The following PLD4 variants were observed in gnomAD, a reference collection of about 807,000 sequenced individuals.
PLD4 encodes the protein phospholipase D family member 4, also known as 5'-3' exonuclease PLD4.
A neutral mutation model predicts 52.3 loss-of-function variants in PLD4; 54 were observed. The observed-to-expected ratio is 1.03, with a 90% CI of 0.83 to 1.30. The LOEUF (loss-of-function observed/expected upper bound fraction) is 1.30. PLD4 is among the 50% of genes most tolerant of loss of function. The pLI is 0.00. For synonymous variants in PLD4, 264 were observed against 286.5 expected (o/e 0.92, Z 0.79); for missense variants, 731 against 671.1 (o/e 1.09, Z -0.99).
chr14:104,930,229 T>C (rs1897599176), intron 6 of PLD4, 124 bp downstream of exon 6: 1 of 1,323,964 alleles, frequency 7.6e-7, no homozygotes, highest in Admixed American at 2.5e-5. Flanking sequence ...TACAATTCAC[T>C]ATGGTAGAAA....
Position 104,932,914 on chromosome 14 carries a change from G to C in PLD4, c.1471G>C (p.Val491Leu), listed in dbSNP as rs746189391. 1.2e-6 allele frequency: 2 copies of C among 1,601,922 alleles called. No homozygotes were observed. Among genetic ancestry groups the C allele is most frequent in the Admixed American group, 3.4e-5 (2 of 58,744 alleles). The stretch of plus-strand genomic sequence containing the variant: ...GCGGGACTGGAGTTCGCGCTACGCC[G>C]TCGGCCTGGACGGACAGGCTCCGGG... The part of the protein sequence containing the change: ...FERDWSSRYA[V>L]GLDGQAPGQD... The change falls in exon 11 of 11, where the codon GTC becomes CTC. Residue 491 changes from valine (V) to leucine (L), a missense_variant. Transcript: ENST00000392593. This position sits in a 1 kb window ranked among gnomAD's most constrained non-coding sequence, Gnocchi z 6.5.
Position 104,930,844 on chromosome 14 carries a change from C to G in PLD4, c.820C>G (p.Leu274Val). 6.2e-7 allele frequency: 1 copy of G among 1,613,598 alleles called. No individual in the cohort carries two copies. Among genetic ancestry groups the G allele is most frequent in the Non-Finnish European group, 8.5e-7 (1 of 1,180,024 alleles). ...YWVLGVPKAV[L>V]PKTWPQNFSS... ...GGTACTGGGGGTGCCCAAGGCTGTCCTCCCCAAAACCTGGCCTCAGAACTT... is the reference window on the plus strand; with the variant it reads ...GGTACTGGGGGTGCCCAAGGCTGTCGTCCCCAAAACCTGGCCTCAGAACTT... Residue 274 changes from leucine to valine, a missense_variant, in exon 7 of 11, where the codon CTC becomes GTC. Transcript: ENST00000392593.
intron 8 of PLD4, 50 bp from the exon 9 acceptor site, chr14:104,931,962 C>A (rs1369371856): frequency 2.6e-6 from 4 of 1,527,976 alleles, no homozygotes; most frequent in Non-Finnish European, 3.5e-6. Flanking sequence ...CTGCTGGGAC[C>A]CCTATCGGGC....
At chr14:104,928,215 T>A (rs1459350717) in intron 3 of PLD4, among the ~76,000 whole-genome samples, 1 of 151,978 alleles carries the variant, frequency 6.6e-6, no homozygotes, top group Non-Finnish European at 1.5e-5. Flanking sequence ...TTCCCTGCGG[T>A]TGGGGTCCTG....
chr14:104,929,681 G>A (rs1897577208), intron 5 of PLD4, among the ~76,000 whole-genome samples: 1 of 152,174 alleles, frequency 6.6e-6, no homozygotes, highest in African/African-American at 2.4e-5. Flanking sequence ...GCCCTGCTGA[G>A]CCCAGCAGCT....
In PLD4 at chr14:104,933,082, C is replaced by T; in HGVS notation, c.*118C>T. On this transcript the variant is annotated 3_prime_UTR_variant, in exon 11 of 11. Coordinates refer to ENST00000392593, the MANE Select transcript of PLD4 (RefSeq NM_138790.5). ...CCCGGGTCCGCACTGCGCCAGGAGC[C>T]GCCTGCGACCGCCCGGGCGTCGCAA... The T allele has an allele frequency of 8.3e-7, 1 of 1,197,840 alleles. No individual in the cohort carries two copies. The highest frequency in any genetic ancestry group is 3.0e-5 in the East Asian group (1 of 33,822). The allele number at this position is 1,197,840 out of a possible 1,614,324, so 74.2% of individuals were successfully genotyped here. A position where few individuals can be genotyped will look rare whatever the true frequency, so the allele number is the denominator to read the frequency against.
chr14:104,933,019 C>A lies in PLD4; in HGVS notation c.*55C>A, dbSNP rs979006071. On this transcript the variant is annotated 3_prime_UTR_variant, in exon 11 of 11. Transcript: ENST00000392593. Reference sequence around the variant, plus strand: ...GCCCCGCACGCGCCCTCCCCTCTGACCCCGGCCTGGGCTTCAGCCGCTTCC... The same window carrying A: ...GCCCCGCACGCGCCCTCCCCTCTGAACCCGGCCTGGGCTTCAGCCGCTTCC... 3.4e-6 allele frequency: 5 copies of A among 1,485,514 alleles called. No individual in the cohort carries two copies. The highest frequency in any genetic ancestry group is 3.6e-6 in the Non-Finnish European group (4 of 1,117,166). 92.0% of individuals were successfully genotyped at this position (1,485,514 alleles called of 1,614,324 possible).
intron 1 of PLD4, among the ~76,000 whole-genome samples, chr14:104,926,357 C>A (rs1897456109): frequency 6.6e-6 from 1 of 152,206 alleles, no homozygotes; most frequent in Non-Finnish European, 1.5e-5. Context: ...GCACCTGGGG[C>A]AGCCTGACTG....
rs764625017 is a variant in PLD4 at position 104,932,741 on chromosome 14, G to A, written c.1322-24G>A. 1 of 1,508,946 alleles carries A rather than the reference G, an allele frequency of 6.6e-7. No homozygotes were observed. Among genetic ancestry groups the A allele is most frequent in the Non-Finnish European group, 8.9e-7 (1 of 1,123,886 alleles). 93.5% of individuals were successfully genotyped at this position (1,508,946 alleles called of 1,614,324 possible). On this transcript the variant is annotated intron_variant, in intron 10 of 10. Transcript: ENST00000392593. The surrounding 1 kb of genome is among the most constrained non-coding windows in gnomAD (Gnocchi z 6.5). ...GGGGCCTGTGGGAGCCGGCGCCCCA[G>A]TGTCTCCTCCATCCTCCCCGCAGGC...
rs1566888827 is a variant in PLD4, at chr14:104,929,337, C to CTGCT, written c.500_503dup (p.Gly169AlafsTer82). ...GGCTCTTCTGCAGAAGCTGCAGCAG[C>CTGCT]TGCTGGGCAGGAACATTTCCCTGGC... On this transcript the variant is annotated frameshift_variant, in exon 5 of 11. Transcript: ENST00000392593. LOFTEE classifies it high-confidence loss of function. The CTGCT allele has an allele frequency of 6.3e-6, 10 of 1,576,786 alleles. No homozygotes were observed. The highest frequency in any genetic ancestry group is 8.6e-6 in the Non-Finnish European group (10 of 1,161,740).
rs372711727 is a variant in PLD4 at position 104,928,446 on chromosome 14, G to A, written c.285-303G>A. ...GCTGCTCCCTGTGGGCAGTGCCTCA[G>A]GGCTGAGTGGGGCCAGGACCCCCCA... On this transcript the variant is annotated intron_variant, in intron 3 of 10. Transcript: ENST00000392593. 1.2e-3 allele frequency among the ~76,000 whole-genome samples: 190 copies of A among 152,286 alleles called. 1 individual carries two copies. Among genetic ancestry groups the A allele is most frequent in the African/African-American group, 4.4e-3 (184 of 41,560 alleles).
chr14:104,930,930 T>C lies in PLD4; in HGVS notation c.906T>C (p.Thr302=), dbSNP rs759840150. 2 of 1,613,166 alleles carry C rather than the reference T, an allele frequency of 1.2e-6. No homozygotes were observed. The highest frequency in any genetic ancestry group is 2.2e-5 in the East Asian group (1 of 44,890). ...FHGLFDGVPT[T]AYFSASPPAL... ...GCCTCTTTGATGGGGTGCCCACCACTGCCTACTTCTCAGTAAGACGGGTTG... is the reference window on the plus strand; with the variant it reads ...GCCTCTTTGATGGGGTGCCCACCACCGCCTACTTCTCAGTAAGACGGGTTG... The change falls in exon 7 of 11, where the codon ACT becomes ACC. Residue 302 remains threonine, a synonymous_variant. Coordinates refer to ENST00000392593, the MANE Select transcript of PLD4 (RefSeq NM_138790.5).
intron 2 of PLD4, 114 bp downstream of exon 2, chr14:104,927,344 C>T (rs1897491006): frequency 3.1e-6 from 3 of 966,830 alleles, no homozygotes; most frequent in South Asian, 1.8e-5. Flanking sequence ...AGCAGAGGTG[C>T]CCTGACTGGT....
At chr14:104,928,462 G>C (rs991175994) in intron 3 of PLD4, among the ~76,000 whole-genome samples, 2 of 152,218 alleles carry the variant, frequency 1.3e-5, no homozygotes, top group African/African-American at 4.8e-5. Context: ...AGTGGGGCCA[G>C]GACCCCCCAG....
intron 3 of PLD4, 79 bp downstream of exon 3, chr14:104,927,945 C>G (rs1290748709): frequency 7.1e-7 from 1 of 1,404,682 alleles, no homozygotes; most frequent in Admixed American, 2.5e-5. Context: ...TGGATCTGCC[C>G]GTGAGATAAG....
Position 104,931,845 on chromosome 14 carries a change from T to C in PLD4, c.1016T>C (p.Val339Ala). Residue 339 changes from valine to alanine, a missense_variant, in exon 8 of 11, where the codon GTG (valine) becomes GCG (alanine). Transcript: ENST00000392593. ...GSAQEFIYAS[V>A]MEYFPTTRFS... ...GCCCAGGAGTTCATCTATGCCTCCG[T>C]GATGGAGTATTTCCCCACCACGCGC... 3 of 1,560,390 alleles carry C rather than the reference T, an allele frequency of 1.9e-6. No homozygotes were observed. Among genetic ancestry groups the C allele is most frequent in the Non-Finnish European group, 2.6e-6 (3 of 1,151,164 alleles).
Position 104,927,188 on chromosome 14 carries a change from C to T in PLD4, c.48C>T (p.Cys16=). Residue 16 remains cysteine, a synonymous_variant, in exon 2 of 11, where the codon TGC becomes TGT. Transcript: ENST00000392593. ...WKAAVAPTWP[C]SMPPRRPWDR... ...CAGCAGTGGCCCCCACATGGCCATGCTCCATGCCGCCCCGCCGCCCGTGGG... is the reference window on the plus strand; with the variant it reads ...CAGCAGTGGCCCCCACATGGCCATGTTCCATGCCGCCCCGCCGCCCGTGGG... 1 of 1,562,184 alleles carries T rather than the reference C, an allele frequency of 6.4e-7. No individual in the cohort carries two copies. The highest frequency in any genetic ancestry group is 1.2e-5 in the South Asian group (1 of 84,660).
At chr14:104,928,286 G>T (rs185079959) in intron 3 of PLD4, among the ~76,000 whole-genome samples, 1 of 152,112 alleles carries the variant, frequency 6.6e-6, no homozygotes, top group Non-Finnish European at 1.5e-5. Context: ...CCCTGGAAAC[G>T]GGAGCTTACC....
chr14:104,929,795 C>A (rs1282810157), intron 5 of PLD4, among the ~76,000 whole-genome samples, 183 bp from the exon 6 acceptor site: 1 of 152,162 alleles, frequency 6.6e-6, no homozygotes, highest in Non-Finnish European at 1.5e-5. Context: ...CCAGAGGGAT[C>A]CTGGGCCAGT....
Sources: allele counts gnomAD v4.1 joint callset (sites outside exome capture counted in the v4.1 genomes callset), GRCh38; gene constraint gnomAD v4.1.1; non-coding constraint Gnocchi (gnomAD v3.1); transcripts MANE v1.5; gene names NCBI Gene and HGNC (gene_info 2026-07-23, HGNC 2026-07-21).